The following PCSK2 variants were observed in gnomAD, a reference collection of about 807,000 sequenced individuals.
The protein encoded by PCSK2 is neuroendocrine convertase 2.
PCSK2 carries 14 observed loss-of-function variants against 69.7 expected under a neutral mutation model. The observed-to-expected ratio is 0.20, with a 90% CI of 0.13 to 0.31. The LOEUF is 0.31. Among genes scored for constraint, PCSK2 ranks in the 10% least tolerant of loss-of-function variants. The pLI is 1.00. For missense variants in PCSK2, 544 were observed against 842.5 expected, an observed-to-expected ratio of 0.65 and a Z score of 4.39; for synonymous variants, 307 against 320.7, an observed-to-expected ratio of 0.96 and a Z score of 0.46.
chr20:17,303,243 TA>T (rs1989147904), intron 2 of PCSK2, among the ~76,000 whole-genome samples: 1 of 141,376 alleles, frequency 7.1e-6, no homozygotes, highest in African/African-American at 2.6e-5. Flanking sequence ...ATATTATAGA[TA>T]ATTATATATA....
chr20:17,427,332 A>G (rs145995189), intron 6 of PCSK2, among the ~76,000 whole-genome samples: 1,664 of 152,304 alleles, frequency 0.011, 35 homozygotes, highest in African/African-American at 0.038. Flanking sequence ...AATCACTCTG[A>G]TGGAAAAGCC....
chr20:17,249,062 G>A (rs2122970547), intron 1 of PCSK2, among the ~76,000 whole-genome samples: 1 of 152,292 alleles, frequency 6.6e-6, no homozygotes, highest in African/African-American at 2.4e-5. Context: ...CGTGGAAAGG[G>A]AGCTTAGTGT....
At chr20:17,397,806 C>T (rs2123283234) in intron 5 of PCSK2, among the ~76,000 whole-genome samples, 1 of 152,310 alleles carries the variant, frequency 6.6e-6, no homozygotes, top group African/African-American at 2.4e-5. Flanking sequence ...TTAGTAGTCA[C>T]ACACTTTCTC....
intron 10 of PCSK2, chr20:17,465,047 A>G: frequency 2.2e-6 from 1 of 444,446 alleles, no homozygotes; most frequent in South Asian, 2.8e-5. Flanking sequence ...TAACATTGTC[A>G]GTCTTTTTCA....
intron 4 of PCSK2, among the ~76,000 whole-genome samples, chr20:17,365,395 T>C (rs146902828): frequency 1.6e-3 from 240 of 152,230 alleles, no homozygotes; most frequent in African/African-American, 5.6e-3. Context: ...TTTCAACATA[T>C]ATTTTAGAGG....
chr20:17,265,151 T>G (rs1987545973), intron 2 of PCSK2, among the ~76,000 whole-genome samples: 2 of 152,140 alleles, frequency 1.3e-5, no homozygotes, highest in African/African-American at 4.8e-5. Flanking sequence ...ACTTTCAAAT[T>G]GAAAATGTCA....
At chr20:17,419,300 C>T (rs949257947) in intron 6 of PCSK2, among the ~76,000 whole-genome samples, 1 of 152,130 alleles carries the variant, frequency 6.6e-6, no homozygotes, top group Admixed American at 6.5e-5. Flanking sequence ...GCAGAGCAAG[C>T]GTATTTATTC....
chr20:17,241,921 A>G (rs1609658), intron 1 of PCSK2, among the ~76,000 whole-genome samples: 150,986 of 152,338 alleles, frequency 0.99, 74,825 homozygotes, highest in East Asian at 1. Context: ...TTCTTTCTGG[A>G]ATGATATATG....
chr20:17,369,228 G>A lies in PCSK2; in HGVS notation c.506-12G>A. The stretch of plus-strand genomic sequence containing the variant: ...AACCTTTGGTTCCTGTGTTATTGTT[G>A]TCTTTTCACAGGGATTGACTATCTC... On this transcript the variant is annotated splice_polypyrimidine_tract_variant and intron_variant, in intron 4 of 11. Coordinates refer to ENST00000262545, the MANE Select transcript of PCSK2 (RefSeq NM_002594.5). The A allele has an allele frequency of 1.2e-6, 2 of 1,612,798 alleles. No homozygotes were observed. Among genetic ancestry groups the A allele is most frequent in the Non-Finnish European group, 1.7e-6 (2 of 1,179,052 alleles).
upstream of PCSK2, chr20:17,226,129 G>C (rs1985889778): frequency 6.6e-6 from 1 of 152,192 alleles, no homozygotes; most frequent in South Asian, 2.1e-4. Context: ...CGCTGTCCTT[G>C]TGCAGTGGAA....
At chr20:17,341,306 T>G (rs980539954) in intron 2 of PCSK2, among the ~76,000 whole-genome samples, 1 of 152,192 alleles carries the variant, frequency 6.6e-6, no homozygotes, top group African/African-American at 2.4e-5. Context: ...TACTGCATAT[T>G]TCTCTGACAT....
intron 2 of PCSK2, among the ~76,000 whole-genome samples, chr20:17,264,667 C>A (rs1987522885): frequency 6.6e-6 from 1 of 152,046 alleles, no homozygotes; most frequent in Admixed American, 6.6e-5. Context: ...TCTCATAATA[C>A]CACTGGAGCA....
At chr20:17,270,581 A>G (rs1239123570) in intron 2 of PCSK2, among the ~76,000 whole-genome samples, 1 of 152,142 alleles carries the variant, frequency 6.6e-6, no homozygotes, top group East Asian at 1.9e-4. Flanking sequence ...ATTTAGCAAT[A>G]AAGAACTTAT....
rs13042783 is a variant in PCSK2 at position 17,337,832 on chromosome 20, G to A, written c.283-20495G>A. Among the ~76,000 whole-genome samples, 3 of 151,608 alleles carry A rather than the reference G, an allele frequency of 2.0e-5. No individual in the cohort carries two copies. In the East Asian group the frequency reaches 5.8e-4, roughly 29 times the overall value. ...TAGTCCCTGCTACTCAGGAGGCTGAGGCAGGAGAATTTCTTGAGCCTGGGA... is the reference window on the plus strand; with the variant it reads ...TAGTCCCTGCTACTCAGGAGGCTGAAGCAGGAGAATTTCTTGAGCCTGGGA... On this transcript the variant is annotated intron_variant, in intron 2 of 11. Coordinates refer to ENST00000262545, the MANE Select transcript of PCSK2 (RefSeq NM_002594.5).
intron 4 of PCSK2, among the ~76,000 whole-genome samples, chr20:17,363,566 T>C (rs970108268): frequency 1.3e-5 from 2 of 152,168 alleles, no homozygotes; most frequent in Non-Finnish European, 2.9e-5. Context: ...GATACAGGGA[T>C]GGACAAGAGT....
chr20:17,477,453 A>C (rs989946324), intron 11 of PCSK2, among the ~76,000 whole-genome samples: 2 of 152,128 alleles, frequency 1.3e-5, no homozygotes, highest in African/African-American at 4.8e-5. Context: ...AGGCTTAAAC[A>C]ACAATAATAA....
At chr20:17,388,798 T>C (rs372333161) in intron 5 of PCSK2, among the ~76,000 whole-genome samples, 1 of 152,086 alleles carries the variant, frequency 6.6e-6, no homozygotes, top group African/African-American at 2.4e-5. Context: ...TGGAAATTAA[T>C]TGGATGCTCG....
chr20:17,308,255 G>A (rs1989391568), intron 2 of PCSK2, among the ~76,000 whole-genome samples: 1 of 152,162 alleles, frequency 6.6e-6, no homozygotes, highest in Non-Finnish European at 1.5e-5. Context: ...CTCCCACCAG[G>A]CCCCACCTCC....
At chr20:17,432,914 A>T (rs1346258091) in intron 7 of PCSK2, among the ~76,000 whole-genome samples, 1 of 151,620 alleles carries the variant, frequency 6.6e-6, no homozygotes, top group Non-Finnish European at 1.5e-5. Flanking sequence ...GGGAGCAAAT[A>T]AAAAAAAATC....
Sources: gnomAD v4.1 joint callset for allele counts (sites outside exome capture counted in the v4.1 genomes callset) on GRCh38, gnomAD v4.1.1 for gene constraint, MANE v1.5 for transcripts, NCBI Gene and HGNC (gene_info 2026-07-23, HGNC 2026-07-21) for gene names.